The following COL24A1 variants were observed in gnomAD, a reference collection of about 807,000 sequenced individuals.
COL24A1 encodes collagen type XXIV alpha 1 chain.
Under a neutral mutation model 253.9 loss-of-function variants are expected in COL24A1, and 224 were observed. The observed-to-expected ratio is 0.88, with a 90% CI of 0.79 to 0.99. COL24A1 has a LOEUF of 0.99. COL24A1 is among the 50% of genes least tolerant of loss of function. The pLI, the probability that COL24A1 is intolerant of heterozygous loss-of-function variation, is 0.00. For missense variants in COL24A1, 2,131 were observed against 2,068.5 expected, an observed-to-expected ratio of 1.03 and a Z score of -0.59; for synonymous variants, 685 against 673.7, an observed-to-expected ratio of 1.02 and a Z score of -0.26.
At chr1:85,813,224 G>C (rs988102274) in intron 47 of COL24A1, among the ~76,000 whole-genome samples, 1 of 151,960 alleles carries the variant, frequency 6.6e-6, no homozygotes, top group African/African-American at 2.4e-5. Context: ...ACAGCATACA[G>C]ATAAGAATAT....
intron 52 of COL24A1, among the ~76,000 whole-genome samples, chr1:85,778,765 C>A (rs959868201): frequency 6.6e-6 from 1 of 151,858 alleles, no homozygotes; most frequent in Non-Finnish European, 1.5e-5. Flanking sequence ...CCGCCACACC[C>A]GGCTAATTTT....
chr1:85,919,232 T>G (rs1047298874), intron 24 of COL24A1, among the ~76,000 whole-genome samples: 1 of 151,888 alleles, frequency 6.6e-6, no homozygotes, highest in Non-Finnish European at 1.5e-5. Context: ...TCAGGCTGTT[T>G]CTTTCTGCAG....
rs146223257 is a variant in COL24A1 at position 85,730,050 on chromosome 1, C to T, written c.*496G>A. ...CACCAAGCAACACAAAGAGGCAACA[C>T]GTAAGAGGTAGTGTATCACCGGCTA... On this transcript the variant is annotated 3_prime_UTR_variant, in exon 60 of 60. Transcript: ENST00000370571. 58 of 152,822 alleles carry T rather than the reference C, an allele frequency of 3.8e-4. No individual in the cohort carries two copies. Among genetic ancestry groups the T allele is most frequent in the Non-Finnish European group, 7.2e-4 (49 of 68,122 alleles). The allele number at this position is 152,822 out of a possible 1,614,324, so 9.5% of individuals were successfully genotyped here.
At chr1:85,886,519 T>G (rs11161701) in intron 32 of COL24A1, among the ~76,000 whole-genome samples, 41,470 of 151,112 alleles carry the variant, frequency 0.27, 5,941 homozygotes, top group Admixed American at 0.36. Context: ...CAAAAAATTA[T>G]TGGGGCGTGG....
chr1:86,021,095 T>C (rs1001458825), intron 18 of COL24A1, among the ~76,000 whole-genome samples: 1 of 152,192 alleles, frequency 6.6e-6, no homozygotes, highest in Non-Finnish European at 1.5e-5. Flanking sequence ...TGTAATTTAA[T>C]ACTGCTTCCT....
intron 2 of COL24A1, among the ~76,000 whole-genome samples, chr1:86,131,616 G>GT (rs1649216358): frequency 6.6e-6 from 1 of 150,520 alleles, no homozygotes; most frequent in Non-Finnish European, 1.5e-5. Context: ...GCAGTGTTTG[G>GT]TTTTTTGTCC....
intron 43 of COL24A1, among the ~76,000 whole-genome samples, chr1:85,837,730 C>T (rs1168615583): frequency 4.6e-5 from 7 of 151,876 alleles, no homozygotes; most frequent in East Asian, 1.9e-4. Context: ...GCAAGATTAC[C>T]GTTAGTGGGT....
At chr1:85,993,147 A>G (rs1471361247) in intron 19 of COL24A1, among the ~76,000 whole-genome samples, 1 of 152,142 alleles carries the variant, frequency 6.6e-6, no homozygotes, top group Admixed American at 6.5e-5. Context: ...AAATCATAAA[A>G]GTAAAATATT....
chr1:85,904,256 A>G (rs1349539385), intron 28 of COL24A1, among the ~76,000 whole-genome samples: 1 of 152,132 alleles, frequency 6.6e-6, no homozygotes. Context: ...AAACTTAAAC[A>G]TGTCTCATGA....
At chr1:86,113,774 A>G (rs1705838954) in intron 4 of COL24A1, among the ~76,000 whole-genome samples, 1 of 144,644 alleles carries the variant, frequency 6.9e-6, no homozygotes, top group Admixed American at 7.4e-5. Flanking sequence ...GATCAAGGCT[A>G]CAGTGAGCTA....
At chr1:85,853,700 T>G (rs1014139152) in intron 37 of COL24A1, among the ~76,000 whole-genome samples, 1 of 152,222 alleles carries the variant, frequency 6.6e-6, no homozygotes. Flanking sequence ...TGGTTTTGAT[T>G]TGCATTTCTC....
intron 24 of COL24A1, among the ~76,000 whole-genome samples, chr1:85,924,824 C>A (rs893580123): frequency 2.6e-5 from 4 of 152,052 alleles, no homozygotes; most frequent in Non-Finnish European, 4.4e-5. Context: ...CTGGTCAGGG[C>A]AATCAGGCAA....
At chr1:86,099,591 A>G (rs995933929) in intron 5 of COL24A1, among the ~76,000 whole-genome samples, 1 of 152,220 alleles carries the variant, frequency 6.6e-6, no homozygotes, top group South Asian at 2.1e-4. Flanking sequence ...CAACTGCTCA[A>G]GCCTTAGCAT....
chr1:85,774,014 A>C (rs1328430674), intron 53 of COL24A1, among the ~76,000 whole-genome samples: 1 of 152,134 alleles, frequency 6.6e-6, no homozygotes, highest in African/African-American at 2.4e-5. Context: ...GGTTTGTCAT[A>C]AATAGCTCTT....
intron 59 of COL24A1, among the ~76,000 whole-genome samples, chr1:85,732,004 T>C (rs561428376): frequency 3.3e-5 from 5 of 152,232 alleles, no homozygotes; most frequent in African/African-American, 1.2e-4. Context: ...AAGTAGAAAG[T>C]GGCTGTGAAA....
chr1:86,140,987 C>G (rs538184551), intron 2 of COL24A1, among the ~76,000 whole-genome samples: 1 of 152,262 alleles, frequency 6.6e-6, no homozygotes, highest in South Asian at 2.1e-4. Context: ...GAAACCGTGA[C>G]AAATCACATA....
intron 59 of COL24A1, among the ~76,000 whole-genome samples, chr1:85,732,159 A>G (rs560466198): frequency 2.8e-4 from 43 of 152,320 alleles, no homozygotes; most frequent in African/African-American, 9.4e-4. Context: ...TGAAGTTTCA[A>G]TCAAAAGTCA....
intron 20 of COL24A1, among the ~76,000 whole-genome samples, chr1:85,972,861 C>T (rs1311862234): frequency 1.3e-5 from 2 of 151,230 alleles, no homozygotes; most frequent in East Asian, 1.9e-4. Context: ...GGAAACCATC[C>T]AGGGGACAGC....
intron 12 of COL24A1, among the ~76,000 whole-genome samples, chr1:86,042,616 A>G (rs1338214451): frequency 1.3e-5 from 2 of 152,134 alleles, no homozygotes; most frequent in African/African-American, 4.8e-5. Context: ...CATTCATAAA[A>G]TATTTATACT....
Sources: gnomAD v4.1 joint callset for allele counts (sites outside exome capture counted in the v4.1 genomes callset) on GRCh38, gnomAD v4.1.1 for gene constraint, MANE v1.5 for transcripts, NCBI Gene and HGNC (gene_info 2026-07-23, HGNC 2026-07-21) for gene names.